The following ABHD12 variants were observed in gnomAD, a reference collection of about 807,000 sequenced individuals.
ABHD12 encodes abhydrolase domain containing 12, lysophospholipase.
In ABHD12, 43 loss-of-function variants were observed where a neutral mutation model predicts 58.3. The ratio of observed to expected loss-of-function variants is 0.74; its 90% CI spans 0.58 to 0.95. ABHD12 has a LOEUF of 0.95. ABHD12 is among the 40% of genes least tolerant of loss of function. ABHD12 has a pLI of 0.00. For synonymous variants in ABHD12, 219 were observed against 211.2 expected (o/e 1.04, Z -0.32); for missense variants, 539 against 537.2 (o/e 1.00, Z -0.03).
intron 1 of ABHD12, among the ~76,000 whole-genome samples, chr20:25,389,402 G>T (rs559491864): frequency 6.6e-6 from 1 of 152,162 alleles, no homozygotes; most frequent in African/African-American, 2.4e-5. Context: ...CCTTAGGAGC[G>T]ATACGCATAT....
chr20:25,333,995 T>G, intron 2 of ABHD12, among the ~76,000 whole-genome samples: 1 of 152,040 alleles, frequency 6.6e-6, no homozygotes, highest in East Asian at 1.9e-4. Flanking sequence ...GGGTATTCAA[T>G]TAGGAAAAGA....
At chr20:25,363,025 A>T (rs894028375) in intron 1 of ABHD12, among the ~76,000 whole-genome samples, 2 of 151,972 alleles carry the variant, frequency 1.3e-5, no homozygotes, top group Non-Finnish European at 2.9e-5. Context: ...ACTGCAATCA[A>T]TGGCAATTTT....
intron 1 of ABHD12, among the ~76,000 whole-genome samples, chr20:25,345,803 G>A (rs1361404542): frequency 1.3e-5 from 2 of 152,136 alleles, no homozygotes; most frequent in Non-Finnish European, 2.9e-5. Context: ...AGGAGAATGT[G>A]GAGCAACAGG....
intron 4 of ABHD12, among the ~76,000 whole-genome samples, chr20:25,318,572 C>T (rs1458971957): frequency 6.6e-6 from 1 of 151,972 alleles, no homozygotes; most frequent in Non-Finnish European, 1.5e-5. Context: ...GTGGCGAGGA[C>T]TGCAGCCAGG....
chr20:25,312,298 C>T (rs1366574334), intron 6 of ABHD12, among the ~76,000 whole-genome samples: 3 of 152,302 alleles, frequency 2.0e-5, no homozygotes, highest in Middle Eastern at 3.4e-3. Flanking sequence ...CCTGCCTCAG[C>T]CTGCCGAGTG....
chr20:25,354,475 T>G (rs1326562556), intron 1 of ABHD12, among the ~76,000 whole-genome samples: 5 of 152,230 alleles, frequency 3.3e-5, no homozygotes, highest in Non-Finnish European at 7.3e-5. Flanking sequence ...CAGCATCGAT[T>G]GCCACTGTTT....
intron 3 of ABHD12, 105 bp downstream of exon 3, chr20:25,323,220 A>T (rs1156718190): frequency 2.5e-6 from 2 of 789,274 alleles, no homozygotes; most frequent in East Asian, 4.9e-5. Flanking sequence ...AGGTGAAGAT[A>T]AAAATGAACA....
At chr20:25,354,144 C>T (rs1354600474) in intron 1 of ABHD12, among the ~76,000 whole-genome samples, 2 of 152,190 alleles carry the variant, frequency 1.3e-5, no homozygotes, top group African/African-American at 4.8e-5. Context: ...AGTGAATAAA[C>T]AAATGGGTAG....
intron 1 of ABHD12, among the ~76,000 whole-genome samples, chr20:25,354,055 C>T (rs2089637145): frequency 6.6e-6 from 1 of 152,156 alleles, no homozygotes; most frequent in Non-Finnish European, 1.5e-5. Context: ...CAAAGGAAGC[C>T]ATCCTGGAGC....
chr20:25,303,973 T>TA (rs1256698924), intron 10 of ABHD12, among the ~76,000 whole-genome samples: 5 of 152,212 alleles, frequency 3.3e-5, no homozygotes, highest in African/African-American at 4.8e-5. Flanking sequence ...AATCTGTTGG[T>TA]AAAAAAAGTC....
chr20:25,321,676 A>C (rs2089069031), intron 3 of ABHD12, among the ~76,000 whole-genome samples: 1 of 152,218 alleles, frequency 6.6e-6, no homozygotes, highest in Admixed American at 6.5e-5. Context: ...CCTAAGTCTC[A>C]CCACCATAAA....
Position 25,370,955 on chromosome 20 carries a change from G to A in ABHD12, c.191+19558C>T, listed in dbSNP as rs58833278. Among the ~76,000 whole-genome samples the A allele has an allele frequency of 8.6e-3, 1,312 of 151,800 alleles. 15 individuals carry two copies. Among genetic ancestry groups the A allele is most frequent in the African/African-American group, 0.03 (1,232 of 41,346 alleles). ...CTTCCTCAGCCTCCCAAAGTACTGG[G>A]ATTACAGGTGTGAGCCACACACCAG... On this transcript the variant is annotated intron_variant, in intron 1 of 12. Transcript: ENST00000339157.
At position 25,343,206 on chromosome 20, in the gene ABHD12, T is replaced by A. The variant is rs181438730; in HGVS notation, c.192-3855A>T. ...GCCTGTTTCTATTAAATACATTCAA[T>A]CAATAATTAACAACCTTCCAAAACA... On this transcript the variant is annotated intron_variant, in intron 1 of 12. Coordinates refer to ENST00000339157, the MANE Select transcript of ABHD12 (RefSeq NM_001042472.3). 4.7e-4 allele frequency among the ~76,000 whole-genome samples: 72 copies of A among 152,314 alleles called. 1 individual carries two copies. Among genetic ancestry groups the A allele is most frequent in the Non-Finnish European group, 5.7e-4 (39 of 68,020 alleles).
rs1324715418 is a variant in ABHD12, at chr20:25,306,367, CT to C, written c.950+465del. 5.3e-5 allele frequency among the ~76,000 whole-genome samples: 8 copies of C among 152,238 alleles called. No homozygotes were observed. In the South Asian group the frequency reaches 1.0e-3, roughly 20 times the overall value. ...TCTGTTACAGTTCTTTACTTGCCCC[CT>C]GGCCCACAATTTTTTTTGTTTTGTT... On this transcript the variant is annotated intron_variant, in intron 10 of 12. Coordinates refer to ENST00000339157, the MANE Select transcript of ABHD12 (RefSeq NM_001042472.3).
At chr20:25,323,596 G>C (rs1480499955) in intron 2 of ABHD12, among the ~76,000 whole-genome samples, 166 bp from the exon 3 acceptor site, 1 of 152,206 alleles carries the variant, frequency 6.6e-6, no homozygotes, top group Non-Finnish European at 1.5e-5. Context: ...AAAGCACCAA[G>C]TCCTTTTCCT....
chr20:25,368,266 T>C, intron 1 of ABHD12: 2 of 1,525,274 alleles, frequency 1.3e-6, no homozygotes, highest in Non-Finnish European at 1.8e-6. Context: ...AAAACACAAG[T>C]CAAACTTATT....
downstream of ABHD12, chr20:25,297,117 A>T (rs994518989): frequency 6.5e-6 from 1 of 154,000 alleles, no homozygotes; most frequent in Non-Finnish European, 1.4e-5. Context: ...TGGGTCATGG[A>T]CCCAGATGGG....
chr20:25,302,409 C>A, intron 11 of ABHD12, 63 bp from the exon 12 acceptor site: 1 of 1,604,918 alleles, frequency 6.2e-7, no homozygotes, highest in Middle Eastern at 2.2e-4. Context: ...GCCTGAGGAA[C>A]ACCAGCTTGG....
chr20:25,342,454 ATT>A (rs11477444), intron 1 of ABHD12, among the ~76,000 whole-genome samples: 1,509 of 142,296 alleles, frequency 0.011, 14 homozygotes, highest in African/African-American at 0.026. Flanking sequence ...CAGATACCAC[ATT>A]TTTTTTTTTT....
Sources: gnomAD v4.1 joint callset for allele counts (sites outside exome capture counted in the v4.1 genomes callset) on GRCh38, gnomAD v4.1.1 for gene constraint, MANE v1.5 for transcripts, NCBI Gene and HGNC (gene_info 2026-07-23, HGNC 2026-07-21) for gene names.